Variants in MACROD2 observed in about 807,000 individuals in gnomAD.
The protein encoded by MACROD2 is ADP-ribose glycohydrolase MACROD2.
MACROD2 carries 36 observed loss-of-function variants against 70.4 expected under a neutral mutation model. The observed-to-expected ratio is 0.51, with a 90% CI of 0.39 to 0.68. The LOEUF is 0.68. Ranked by LOEUF, MACROD2 falls within the 30% of genes least tolerant of loss-of-function variation. The pLI, the probability that MACROD2 is intolerant of heterozygous loss-of-function variation, is 0.00. For synonymous variants in MACROD2, 172 were observed against 178.8 expected, an observed-to-expected ratio of 0.96 and a Z score of 0.30; for missense variants, 496 against 538.4, an observed-to-expected ratio of 0.92 and a Z score of 0.78.
chr20:15,913,766 AT>A lies in MACROD2; in HGVS notation c.776-19509del, dbSNP rs1280597950. Among the ~76,000 whole-genome samples, 5 of 152,252 alleles carry A rather than the reference AT, an allele frequency of 3.3e-5. No homozygotes were observed. In the East Asian group the frequency reaches 5.8e-4, roughly 18 times the overall value. Reference sequence around the variant, plus strand: ...AAAGCAGACAGTGTGTTATAAAAAAATATACTGAGCACAAATGCAGTCGTAA... The same window carrying A: ...AAAGCAGACAGTGTGTTATAAAAAAAATACTGAGCACAAATGCAGTCGTAA... On this transcript the variant is annotated intron_variant, in intron 10 of 17. Transcript: ENST00000684519.
chr20:15,500,377 T>C (rs1177508338), intron 8 of MACROD2, among the ~76,000 whole-genome samples: 1 of 152,190 alleles, frequency 6.6e-6, no homozygotes, highest in Non-Finnish European at 1.5e-5. Flanking sequence ...CATCAGAGTA[T>C]TCATCATCCT....
intron 5 of MACROD2, among the ~76,000 whole-genome samples, chr20:15,123,885 C>G (rs1187562174): frequency 6.6e-6 from 1 of 152,166 alleles, no homozygotes; most frequent in African/African-American, 2.4e-5. Flanking sequence ...GGCACTCACA[C>G]ATGCGATAAA....
At chr20:14,547,784 G>C (rs1227155468) in intron 4 of MACROD2, among the ~76,000 whole-genome samples, 1 of 152,174 alleles carries the variant, frequency 6.6e-6, no homozygotes, top group Non-Finnish European at 1.5e-5. Flanking sequence ...TTGTGTACCT[G>C]AGGTCACTCA....
chr20:14,772,423 C>T, intron 5 of MACROD2, among the ~76,000 whole-genome samples: 1 of 152,002 alleles, frequency 6.6e-6, no homozygotes. Context: ...AGGGAAGCCT[C>T]ACAATCATGG....
intron 3 of MACROD2, among the ~76,000 whole-genome samples, chr20:14,122,078 A>G (rs1422859961): frequency 6.6e-6 from 1 of 152,178 alleles, no homozygotes; most frequent in East Asian, 1.9e-4. Context: ...CTTTTTGGAT[A>G]ATACAGTCCT....
chr20:15,169,200 G>A (rs1391484155), intron 5 of MACROD2, among the ~76,000 whole-genome samples: 1 of 152,104 alleles, frequency 6.6e-6, no homozygotes, highest in Non-Finnish European at 1.5e-5. Context: ...AGCAGCTCAG[G>A]AAGATGAACA....
chr20:14,196,997 A>G (rs1569201827), intron 3 of MACROD2, among the ~76,000 whole-genome samples: 1 of 152,220 alleles, frequency 6.6e-6, no homozygotes. Context: ...AAAATAGTAC[A>G]TGCTGTACAC....
chr20:14,150,586 A>G (rs574964881), intron 3 of MACROD2, among the ~76,000 whole-genome samples: 2 of 152,324 alleles, frequency 1.3e-5, no homozygotes, highest in Admixed American at 6.5e-5. Context: ...GGGATTGATT[A>G]TCTCTCATTT....
In MACROD2 at chr20:14,423,699, C is replaced by CA. The variant is rs1228934904; in HGVS notation, c.272-69761dup. On this transcript the variant is annotated intron_variant, in intron 3 of 17. Coordinates refer to ENST00000684519, the MANE Select transcript of MACROD2 (RefSeq NM_001351661.2). ...TGGACGACAGAGCGAGACTCTGTCT[C>CA]AAAAAAAAAAAAAAAAAAAGTTGCT... 7.6e-3 allele frequency among the ~76,000 whole-genome samples: 388 copies of CA among 51,020 alleles called. 3 individuals are homozygous for CA. Among genetic ancestry groups the CA allele is most frequent in the East Asian group, 0.034 (41 of 1,216 alleles). 33.5% of individuals were successfully genotyped at this position (51,020 alleles called of 152,430 possible).
At chr20:14,087,693 T>G (rs533707411) in intron 3 of MACROD2, among the ~76,000 whole-genome samples, 2 of 152,236 alleles carry the variant, frequency 1.3e-5, no homozygotes, top group South Asian at 4.1e-4. Context: ...AGATGCTTTC[T>G]CTGTCCCGTG....
In MACROD2 at chr20:14,757,391, T is replaced by G. The variant is rs554878104; in HGVS notation, c.418+72432T>G. ...GAAATTCAGTCGTAATACTCTCAAATGTACTAAGGAATTTAGAAGAGTAAA... is the reference window on the plus strand; with the variant it reads ...GAAATTCAGTCGTAATACTCTCAAAGGTACTAAGGAATTTAGAAGAGTAAA... On this transcript the variant is annotated intron_variant, in intron 5 of 17. Transcript: ENST00000684519. 2.0e-5 allele frequency among the ~76,000 whole-genome samples: 3 copies of G among 152,232 alleles called. No homozygotes were observed. The South Asian group carries it at 6.2e-4, about 32-fold the overall frequency.
In MACROD2 at chr20:15,344,783, G is replaced by T. The variant is rs74500406; in HGVS notation, c.541-86622G>T. ...AGTGACTAGAAGATAAGTAGCCATA[G>T]AAAAAGAATTGGAACAGTTAGTGAG... On this transcript the variant is annotated intron_variant, in intron 6 of 17. Transcript: ENST00000684519. Among the ~76,000 whole-genome samples, 1,437 of 152,296 alleles carry T rather than the reference G, an allele frequency of 9.4e-3. 24 individuals are homozygous for T. The highest frequency in any genetic ancestry group is 0.033 in the African/African-American group (1,365 of 41,542).
chr20:15,733,118 T>C (rs2050969305), intron 8 of MACROD2, among the ~76,000 whole-genome samples: 1 of 152,184 alleles, frequency 6.6e-6, no homozygotes, highest in Admixed American at 6.5e-5. Context: ...ATCCCTTTCA[T>C]CTAAGTTGTC....
chr20:14,825,327 A>G (rs1203109984), intron 5 of MACROD2, among the ~76,000 whole-genome samples: 5 of 152,080 alleles, frequency 3.3e-5, no homozygotes, highest in African/African-American at 7.2e-5. Flanking sequence ...GCTCTGCCCC[A>G]TTGCAAGCTT....
chr20:15,499,480 C>A (rs140202058), intron 7 of MACROD2, among the ~76,000 whole-genome samples: 1 of 152,158 alleles, frequency 6.6e-6, no homozygotes, highest in Non-Finnish European at 1.5e-5. Context: ...ATATTGTAAT[C>A]TATTATGCAT....
intron 4 of MACROD2, among the ~76,000 whole-genome samples, chr20:14,648,392 G>A (rs778556713): frequency 2.6e-5 from 4 of 152,192 alleles, no homozygotes; most frequent in South Asian, 2.1e-4. Flanking sequence ...GACATTGAAC[G>A]TCCAGTTTAT....
At chr20:15,975,156 A>T (rs2147432633) in intron 13 of MACROD2, among the ~76,000 whole-genome samples, 1 of 152,272 alleles carries the variant, frequency 6.6e-6, no homozygotes, top group African/African-American at 2.4e-5. Context: ...GAGATGCCCT[A>T]TCTCTTTATT....
intron 5 of MACROD2, among the ~76,000 whole-genome samples, chr20:15,024,239 A>G (rs1023737692): frequency 6.6e-6 from 1 of 152,146 alleles, no homozygotes; most frequent in Non-Finnish European, 1.5e-5. Flanking sequence ...AAAAAATACT[A>G]CTATTCATTA....
intron 5 of MACROD2, among the ~76,000 whole-genome samples, chr20:14,847,485 G>GT (rs34778387): frequency 0.013 from 1,531 of 121,424 alleles, 41 homozygotes; most frequent in African/African-American, 0.041. Context: ...AGTGTTGCCT[G>GT]TTTTTTTTTT....
Sources: gnomAD v4.1 joint callset for allele counts (sites outside exome capture counted in the v4.1 genomes callset) on GRCh38, gnomAD v4.1.1 for gene constraint, MANE v1.5 for transcripts, NCBI Gene and HGNC (gene_info 2026-07-23, HGNC 2026-07-21) for gene names.